The following RABEP2 variants were observed in gnomAD, a reference collection of about 807,000 sequenced individuals.
The protein encoded by RABEP2 is rab GTPase-binding effector protein 2.
RABEP2 carries 57 observed loss-of-function variants against 74.1 expected under a neutral mutation model. The observed-to-expected ratio is 0.77, with a 90% CI of 0.62 to 0.96. The LOEUF is 0.96. RABEP2 is among the 40% of genes least tolerant of loss of function. The probability of loss-of-function intolerance (pLI) is 0.00; values close to 1 mark genes in which losing one functional copy is unlikely to be tolerated. For synonymous variants in RABEP2, 351 were observed against 344.0 expected, an observed-to-expected ratio of 1.02 and a Z score of -0.23; for missense variants, 692 against 756.3, an observed-to-expected ratio of 0.91 and a Z score of 1.00.
chr16:28,922,230 G>C (rs1294594456), intron 2 of RABEP2, among the ~76,000 whole-genome samples: 4 of 152,178 alleles, frequency 2.6e-5, no homozygotes, highest in African/African-American at 9.7e-5. Flanking sequence ...ATTTTTGGTA[G>C]AACGTGGTCA....
chr16:28,915,430 C>A (rs1964378559), intron 3 of RABEP2, among the ~76,000 whole-genome samples: 1 of 151,966 alleles, frequency 6.6e-6, no homozygotes, highest in Non-Finnish European at 1.5e-5. Context: ...AAAATACCAT[C>A]CACATTTCTC....
At chr16:28,915,669 T>C (rs1293924899) in intron 3 of RABEP2, among the ~76,000 whole-genome samples, 1 of 147,856 alleles carries the variant, frequency 6.8e-6, no homozygotes, top group African/African-American at 2.5e-5. Flanking sequence ...CTCAGCCTCA[T>C]GAGTAGCTGG....
Position 28,905,026 on chromosome 16 carries a change from G to T in RABEP2, c.1627C>A (p.Arg543Ser), listed in dbSNP as rs776254299. Residue 543 changes from arginine to serine, a missense_variant, in exon 13 of 13, where the codon CGC becomes AGC. By Grantham distance (110) the Arg-to-Ser change is moderately radical (BLOSUM62 -1). Transcript: ENST00000358201. ...ACTTGCTCCAGGGTCTCAGCCTGGC[G>T]GATCCGCTCTAGGCGCACCTGCCGG... ...QALQVRLERI[R>S]QAETLEQVRS... is the part of the protein sequence containing the mutation. 1.1e-5 allele frequency: 17 copies of T among 1,608,484 alleles called. No homozygotes were observed. The highest frequency in any genetic ancestry group is 1.4e-5 in the Non-Finnish European group (16 of 1,179,558).
intron 2 of RABEP2, among the ~76,000 whole-genome samples, chr16:28,920,723 G>A (rs1426857221): frequency 2.0e-5 from 3 of 151,832 alleles, no homozygotes; most frequent in Non-Finnish European, 2.9e-5. Context: ...TTAAGTTCTA[G>A]GGTACATGTG....
rs1440537482 is a variant in RABEP2 at position 28,925,135 on chromosome 16, T to G, written c.29A>C (p.Asp10Ala). The G allele has an allele frequency of 6.5e-7, 1 of 1,533,812 alleles. No homozygotes were observed. The change falls in exon 1 of 13, where the codon GAC (aspartate) becomes GCC (alanine). Residue 10 changes from aspartate to alanine, a missense_variant. Transcript: ENST00000358201. ...CGGCCGCCGCCGCCGCTCATCGTCG[T>G]CCGCGGCCACCGGCGCAGCTGCCGC... MAAAAPVAADDDERRRRPGA... is the reference protein window; with the variant it reads MAAAAPVAAADDERRRRPGA...
intron 3 of RABEP2, among the ~76,000 whole-genome samples, chr16:28,915,029 T>C (rs1375084791): frequency 6.7e-6 from 1 of 148,394 alleles, no homozygotes; most frequent in Non-Finnish European, 1.5e-5. Flanking sequence ...GTCTTCCTTC[T>C]CCAACATCCA....
intron 7 of RABEP2, among the ~76,000 whole-genome samples, chr16:28,909,247 T>G (rs892293228): frequency 6.6e-6 from 1 of 151,924 alleles, no homozygotes; most frequent in Admixed American, 6.6e-5. Context: ...TGGCTAATAT[T>G]TGTACTTTTA....
In RABEP2 at chr16:28,905,878, T is replaced by A. The variant is rs1425265948; in HGVS notation, c.1424A>T (p.Glu475Val). Reference sequence around the variant, plus strand: ...CAGCACACACTCACCCTCCAGCACCTCTGTGGGAAGGAAAGAAAGAGAGGT... The same window carrying A: ...CAGCACACACTCACCCTCCAGCACCACTGTGGGAAGGAAAGAAAGAGAGGT... ...GQLRVQREET[E>V]VLEASLCSLR... is the part of the protein sequence containing the mutation. Residue 475 changes from glutamate to valine, a missense_variant and splice_region_variant, in exon 10 of 13, where the codon GAG (glutamate) becomes GTG (valine). Transcript: ENST00000358201. 3 of 1,613,534 alleles carry A rather than the reference T, an allele frequency of 1.9e-6. No homozygotes were observed. The African/African-American group carries it at 4.0e-5, about 22-fold the overall frequency.
rs1249621598 is a variant in RABEP2 at position 28,914,906 on chromosome 16, C to G, written c.433-124G>C. 5.3e-6 allele frequency: 4 copies of G among 759,578 alleles called. No individual in the cohort carries two copies. In the African/African-American group the frequency reaches 5.3e-5, roughly 10 times the overall value. The allele number at this position is 759,578 out of a possible 1,614,324, so 47.1% of individuals were successfully genotyped here. A position where few individuals can be genotyped will look rare whatever the true frequency, so the allele number is the denominator to read the frequency against. On this transcript the variant is annotated intron_variant, in intron 3 of 12. Transcript: ENST00000358201. ...ATCCTCCCTAGAAGGTGCTGTCCAC[C>G]CTCATTCCAGAGATAAGAACACAGA...
At chr16:28,909,366 C>T (rs984704721) in intron 7 of RABEP2, among the ~76,000 whole-genome samples, 6 of 152,070 alleles carry the variant, frequency 3.9e-5, no homozygotes, top group African/African-American at 1.2e-4. Context: ...TGTGAGCCAC[C>T]GTGCCCGGCC....
In RABEP2 at chr16:28,904,967, G is replaced by A. The variant is rs753457269; in HGVS notation, c.1686C>T (p.Asp562=). ...CTCAGGTGTCCTTGATGTCCCTGAC[G>A]TCCGTGAGTGGCGCCTCATCCATGA... ...RSIMDEAPLT[D]VRDIKDT is the part of the protein sequence containing the mutation. The change falls in exon 13 of 13, where the codon GAC becomes GAT. Residue 562 remains aspartate (D), a synonymous_variant. Coordinates refer to ENST00000358201, the MANE Select transcript of RABEP2 (RefSeq NM_024816.3). 49 of 1,612,684 alleles carry A rather than the reference G, an allele frequency of 3.0e-5. No individual in the cohort carries two copies. The highest frequency in any genetic ancestry group is 1.6e-4 in the Middle Eastern group (1 of 6,076).
intron 2 of RABEP2, among the ~76,000 whole-genome samples, chr16:28,921,720 C>T (rs1216630940): frequency 1.4e-5 from 2 of 141,020 alleles, no homozygotes; most frequent in Non-Finnish European, 3.0e-5. Context: ...AATCCCAGCA[C>T]TTTGGGAGGC....
intron 5 of RABEP2, among the ~76,000 whole-genome samples, chr16:28,912,815 C>T (rs1964332713): frequency 1.3e-5 from 2 of 152,244 alleles, no homozygotes; most frequent in South Asian, 2.1e-4. Flanking sequence ...AACAGGCCCC[C>T]GAGGTCGGAC....
chr16:28,916,204 TCTC>T (rs1964390907), intron 3 of RABEP2: 1 of 152,094 alleles, frequency 6.6e-6, no homozygotes, highest in African/African-American at 2.4e-5. Flanking sequence ...TATTCCTCCT[TCTC>T]CTCCTTTTTG....
chr16:28,920,085 T>C, intron 2 of RABEP2, 142 bp from the exon 3 acceptor site: 8 of 1,014,100 alleles, frequency 7.9e-6, no homozygotes, highest in Non-Finnish European at 1.1e-5. Context: ...TTTGCAGAAA[T>C]TGACCTGGGC....
At chr16:28,913,911 G>T (rs988996496) in intron 5 of RABEP2, among the ~76,000 whole-genome samples, 1 of 150,342 alleles carries the variant, frequency 6.7e-6, no homozygotes, top group Admixed American at 6.7e-5. Context: ...CTCCCAAGTA[G>T]CTGGGACTAC....
At position 28,904,993 on chromosome 16, in the gene RABEP2, T is replaced by A. The variant is rs749417858; in HGVS notation, c.1660A>T (p.Ile554Phe). 12 of 1,612,428 alleles carry A rather than the reference T, an allele frequency of 7.4e-6. 1 individual carries two copies. The highest frequency in any genetic ancestry group is 1.0e-5 in the Non-Finnish European group (12 of 1,179,796). Reference sequence around the variant, plus strand: ...TCCGTGAGTGGCGCCTCATCCATGATGCTGCGCACTTGCTCCAGGGTCTCA... The same window carrying A: ...TCCGTGAGTGGCGCCTCATCCATGAAGCTGCGCACTTGCTCCAGGGTCTCA... ...QAETLEQVRS[I>F]MDEAPLTDVR... The change falls in exon 13 of 13, where the codon ATC becomes TTC. Residue 554 changes from isoleucine to phenylalanine, a missense_variant. Ile to Phe is a conservative substitution (Grantham distance 21). Coordinates refer to ENST00000358201, the MANE Select transcript of RABEP2 (RefSeq NM_024816.3).
intron 3 of RABEP2, among the ~76,000 whole-genome samples, chr16:28,918,765 T>C (rs1028500797): frequency 6.6e-6 from 1 of 152,022 alleles, no homozygotes; most frequent in East Asian, 1.9e-4. Context: ...GATCCTCCCA[T>C]GTCAGCCTCT....
chr16:28,910,781 TG>T, intron 7 of RABEP2, 106 bp downstream of exon 7: 1 of 979,250 alleles, frequency 1.0e-6, no homozygotes, highest in South Asian at 1.5e-5. Flanking sequence ...CCTGAGCAGC[TG>T]GGGACAGGAC....
Sources: gnomAD v4.1 joint callset for allele counts (sites outside exome capture counted in the v4.1 genomes callset) on GRCh38, gnomAD v4.1.1 for gene constraint, MANE v1.5 for transcripts, NCBI Gene and HGNC (gene_info 2026-07-23, HGNC 2026-07-21) for gene names.